Variants in XYLT1 observed in about 807,000 individuals in gnomAD.
The protein encoded by XYLT1 is beta-D-xylosyltransferase 1.
Under a neutral mutation model 91.3 loss-of-function variants are expected in XYLT1, and 36 were observed. That is an observed-to-expected ratio of 0.39 (90% CI 0.30 to 0.52). The LOEUF (loss-of-function observed/expected upper bound fraction) is 0.52. Ranked by LOEUF, XYLT1 falls within the 20% of genes least tolerant of loss-of-function variation. XYLT1 has a pLI of 0.68. For missense variants in XYLT1, 1,242 were observed against 1,284.5 expected, an observed-to-expected ratio of 0.97 and a Z score of 0.51; for synonymous variants, 588 against 532.0, an observed-to-expected ratio of 1.11 and a Z score of -1.45.
At chr16:17,234,471 A>C (rs1385815180) in intron 3 of XYLT1, among the ~76,000 whole-genome samples, 1 of 152,210 alleles carries the variant, frequency 6.6e-6, no homozygotes, top group African/African-American at 2.4e-5. Flanking sequence ...ATAATGAATA[A>C]ATACCTAATA....
At chr16:17,168,543 A>G (rs73520920) in intron 5 of XYLT1, among the ~76,000 whole-genome samples, 9,421 of 152,198 alleles carry the variant, frequency 0.062, 448 homozygotes, top group African/African-American at 0.13. Flanking sequence ...GCATCACACA[A>G]TATACCCCTG....
intron 1 of XYLT1, among the ~76,000 whole-genome samples, chr16:17,436,598 T>C (rs987154985): frequency 2.0e-5 from 3 of 152,226 alleles, no homozygotes; most frequent in African/African-American, 7.2e-5. Flanking sequence ...GAGGTCATTC[T>C]ATAAAAATGG....
chr16:17,261,307 C>T (rs568456343), intron 2 of XYLT1, among the ~76,000 whole-genome samples: 3 of 151,088 alleles, frequency 2.0e-5, no homozygotes, highest in South Asian at 2.1e-4. Flanking sequence ...GCAGTAAGCA[C>T]GAATTTCTCC....
At chr16:17,400,211 C>T (rs1396765120) in intron 1 of XYLT1, among the ~76,000 whole-genome samples, 3 of 152,220 alleles carry the variant, frequency 2.0e-5, no homozygotes, top group Non-Finnish European at 4.4e-5. Context: ...ACAGTGGGTG[C>T]AGCTGACCCT....
At chr16:17,210,577 A>T (rs1260486067) in intron 3 of XYLT1, among the ~76,000 whole-genome samples, 1 of 136,794 alleles carries the variant, frequency 7.3e-6, no homozygotes, top group African/African-American at 2.5e-5. Context: ...ACTCCATCTT[A>T]AAAAAAAAAT....
chr16:17,355,098 C>T (rs1430983020), intron 2 of XYLT1: 1 of 152,978 alleles, frequency 6.5e-6, no homozygotes, highest in East Asian at 1.9e-4. Flanking sequence ...TGAGAGTCTA[C>T]CTTGTGCCAT....
intron 1 of XYLT1, among the ~76,000 whole-genome samples, chr16:17,397,422 A>C (rs2035901663): frequency 2.0e-5 from 3 of 152,100 alleles, no homozygotes; most frequent in Non-Finnish European, 4.4e-5. Context: ...GATACATCAT[A>C]ATAAACCGCC....
At chr16:17,267,753 G>A (rs1445088114) in intron 2 of XYLT1, among the ~76,000 whole-genome samples, 1 of 152,160 alleles carries the variant, frequency 6.6e-6, no homozygotes, top group Non-Finnish European at 1.5e-5. Flanking sequence ...GGCACAGTGG[G>A]TTGAAATCTG....
intron 1 of XYLT1, among the ~76,000 whole-genome samples, chr16:17,435,622 A>C (rs2036447588): frequency 6.6e-6 from 1 of 152,016 alleles, no homozygotes; most frequent in Non-Finnish European, 1.5e-5. Flanking sequence ...AGAAGGAAAA[A>C]AAAAAGTCTA....
intron 2 of XYLT1, among the ~76,000 whole-genome samples, chr16:17,310,213 C>G (rs1451664107): frequency 2.0e-5 from 3 of 152,212 alleles, no homozygotes; most frequent in African/African-American, 7.2e-5. Flanking sequence ...TGGGCAGTAT[C>G]TTTAGCCATT....
At chr16:17,447,491 G>A (rs1216982105) in intron 1 of XYLT1, among the ~76,000 whole-genome samples, 3 of 152,254 alleles carry the variant, frequency 2.0e-5, no homozygotes, top group Non-Finnish European at 4.4e-5. Flanking sequence ...CACAAAGCAT[G>A]ACTTGGGAGG....
intron 1 of XYLT1, among the ~76,000 whole-genome samples, chr16:17,372,268 C>G (rs2035545002): frequency 6.6e-6 from 1 of 152,232 alleles, no homozygotes; most frequent in Admixed American, 6.5e-5. Flanking sequence ...TACATGCTAA[C>G]AGCATTTCTC....
At position 17,195,425 on chromosome 16, in the gene XYLT1, C is replaced by CT. The variant is rs570511337; in HGVS notation, c.1289+2786dup. ...AGTTTTTCTCCACACCCACATCTTC[C>CT]TTTTTTTTTGTTGTTTTTTGTTTGT... On this transcript the variant is annotated intron_variant, in intron 5 of 11. Transcript: ENST00000261381. 1.1e-3 allele frequency among the ~76,000 whole-genome samples: 165 copies of CT among 151,260 alleles called. 1 individual carries two copies. Among genetic ancestry groups the CT allele is most frequent in the South Asian group, 4.2e-3 (20 of 4,766 alleles).
chr16:17,394,482 T>C (rs1451392488), intron 1 of XYLT1, among the ~76,000 whole-genome samples: 3 of 152,222 alleles, frequency 2.0e-5, no homozygotes, highest in Non-Finnish European at 1.5e-5. Context: ...ATAGGGAGCA[T>C]CTGGGCAGAG....
In XYLT1 at chr16:17,102,752, CTTTA is replaced by C. The variant is rs1966722357; in HGVS notation, c.*5939_*5942del. The C allele has an allele frequency of 9.3e-6, 1 of 107,308 alleles. No homozygotes were observed. Among genetic ancestry groups the C allele is most frequent in the Non-Finnish European group, 1.7e-5 (1 of 57,524 alleles). 6.6% of individuals were successfully genotyped at this position (107,308 alleles called of 1,614,324 possible). ...TGCCATTTGAATTCTTTTTTTAAAA[CTTTA>C]TTTACAGATTTTTTTTAAAATCAAC... On this transcript the variant is annotated 3_prime_UTR_variant, in exon 12 of 12. Coordinates refer to ENST00000261381, the MANE Select transcript of XYLT1 (RefSeq NM_022166.4).
chr16:17,205,906 C>G (rs768775635), intron 3 of XYLT1, among the ~76,000 whole-genome samples: 1 of 152,162 alleles, frequency 6.6e-6, no homozygotes, highest in Non-Finnish European at 1.5e-5. Context: ...TTCTGACTTA[C>G]TTCCAACTAA....
At chr16:17,338,070 C>A (rs1166368364) in intron 2 of XYLT1, 2 of 403,130 alleles carry the variant, frequency 5.0e-6, no homozygotes, top group East Asian at 7.2e-5. Flanking sequence ...ACCCGGCCCC[C>A]GTTCTACATT....
At chr16:17,337,775 C>CTTTTTTTTTTTTTTTTTTTTTTT (rs71373106) in intron 2 of XYLT1, among the ~76,000 whole-genome samples, 2 of 114,216 alleles carry the variant, frequency 1.8e-5, no homozygotes, top group Non-Finnish European at 1.7e-5. Context: ...CACATTTTTT[C>CTTTTTTTTTTTTTTTTTTTTTTT]TTTTTCTTTT....
At chr16:17,315,485 C>A (rs1455230927) in intron 2 of XYLT1, among the ~76,000 whole-genome samples, 1 of 152,222 alleles carries the variant, frequency 6.6e-6, no homozygotes, top group Admixed American at 6.5e-5. Flanking sequence ...CTGCTTCTAT[C>A]TCAGCACTAG....
Sources: allele counts gnomAD v4.1 joint callset (sites outside exome capture counted in the v4.1 genomes callset), GRCh38; gene constraint gnomAD v4.1.1; transcripts MANE v1.5; gene names NCBI Gene and HGNC (gene_info 2026-07-23, HGNC 2026-07-21).